Variants in MCC observed in about 807,000 individuals in gnomAD.
MCC encodes MCC regulator of Wnt signaling pathway.
MCC carries 90 observed loss-of-function variants against 116.2 expected under a neutral mutation model. The ratio of observed to expected loss-of-function variants is 0.77; its 90% CI spans 0.65 to 0.92. The LOEUF (loss-of-function observed/expected upper bound fraction) is 0.92, where lower values mean the gene tolerates loss of function less well. Among genes scored for constraint, MCC ranks in the 40% least tolerant of loss-of-function variants. The probability of loss-of-function intolerance (pLI) is 0.00; values close to 1 mark genes in which losing one functional copy is unlikely to be tolerated. For missense variants in MCC, 1,516 were observed against 1,312.2 expected, an observed-to-expected ratio of 1.16 and a Z score of -2.40; for synonymous variants, 578 against 510.5, an observed-to-expected ratio of 1.13 and a Z score of -1.78.
intron 3 of MCC, among the ~76,000 whole-genome samples, chr5:113,288,291 C>A (rs971372): frequency 1.3e-5 from 2 of 152,078 alleles, no homozygotes; most frequent in Non-Finnish European, 2.9e-5. Flanking sequence ...GCCTGCAGGG[C>A]TGGGAAAGCC....
At chr5:113,282,596 ACT>A (rs994883258) in intron 3 of MCC, among the ~76,000 whole-genome samples, 12 of 151,740 alleles carry the variant, frequency 7.9e-5, no homozygotes, top group African/African-American at 2.9e-4. Flanking sequence ...GGAAATAAAA[ACT>A]CTTCCTGTCC....
intron 3 of MCC, among the ~76,000 whole-genome samples, chr5:113,284,531 G>T (rs1017714287): frequency 6.6e-6 from 1 of 152,158 alleles, no homozygotes; most frequent in Non-Finnish European, 1.5e-5. Context: ...AGAGGAAGTT[G>T]AGGCAGAAGA....
chr5:113,197,930 A>G (rs990764622), intron 3 of MCC, among the ~76,000 whole-genome samples: 14 of 152,230 alleles, frequency 9.2e-5, no homozygotes, highest in Non-Finnish European at 1.6e-4. Flanking sequence ...CACTCGTGTC[A>G]TGTGACTACA....
intron 1 of MCC, among the ~76,000 whole-genome samples, chr5:113,487,967 C>T (rs553135403): frequency 1.3e-5 from 2 of 152,280 alleles, no homozygotes; most frequent in East Asian, 3.9e-4. Flanking sequence ...ACTCCAAGCC[C>T]CCGGAAGAGT....
intron 3 of MCC, among the ~76,000 whole-genome samples, chr5:113,217,208 TTCTC>T (rs369131285): frequency 1.3e-5 from 2 of 151,966 alleles, no homozygotes; most frequent in Admixed American, 1.3e-4. Flanking sequence ...AAGGAGGAGC[TTCTC>T]TCTCTCTCTC....
intron 10 of MCC, among the ~76,000 whole-genome samples, chr5:113,083,606 C>T (rs942948499): frequency 3.9e-5 from 6 of 152,232 alleles, no homozygotes; most frequent in Admixed American, 1.3e-4. Flanking sequence ...TCAGCTCTTA[C>T]AGTCCCAGGG....
chr5:113,083,048 T>C (rs369515308), intron 10 of MCC, 40 bp from the exon 11 acceptor site: 1 of 1,574,120 alleles, frequency 6.4e-7, no homozygotes, highest in Non-Finnish European at 8.6e-7. Flanking sequence ...GAACATATCA[T>C]TTCAGAGATG....
intron 3 of MCC, among the ~76,000 whole-genome samples, chr5:113,253,334 C>T (rs186475207): frequency 6.6e-5 from 10 of 152,254 alleles, no homozygotes; most frequent in African/African-American, 1.7e-4. Flanking sequence ...GGTGGTGGCA[C>T]GGTTGGCCCC....
At chr5:113,325,442 T>C (rs1236346148) in intron 3 of MCC, among the ~76,000 whole-genome samples, 3 of 151,996 alleles carry the variant, frequency 2.0e-5, no homozygotes, top group Non-Finnish European at 4.4e-5. Context: ...TTTTTTTTTT[T>C]TTTTACTGAC....
intron 2 of MCC, among the ~76,000 whole-genome samples, chr5:113,341,053 G>T (rs886747333): frequency 7.2e-5 from 11 of 152,142 alleles, no homozygotes; most frequent in African/African-American, 2.7e-4. Context: ...ATTTGCACAG[G>T]GCTACTACAT....
At chr5:113,125,532 C>G (rs1272711443) in intron 5 of MCC, among the ~76,000 whole-genome samples, 1 of 152,168 alleles carries the variant, frequency 6.6e-6, no homozygotes, top group African/African-American at 2.4e-5. Flanking sequence ...ATCCTTATCT[C>G]TCATTGGCAT....
intron 2 of MCC, among the ~76,000 whole-genome samples, chr5:113,356,564 T>G (rs1037006939): frequency 1.3e-5 from 2 of 152,122 alleles, no homozygotes; most frequent in Admixed American, 1.3e-4. Context: ...GGGAAAATCC[T>G]GCTCTCAGAG....
chr5:113,196,438 T>C (rs746635120), intron 3 of MCC, among the ~76,000 whole-genome samples: 2 of 152,222 alleles, frequency 1.3e-5, no homozygotes, highest in Non-Finnish European at 2.9e-5. Context: ...CAGCATTTGT[T>C]GCTAGGTGGG....
At chr5:113,329,483 CACACAT>C (rs1767646209) in intron 3 of MCC, among the ~76,000 whole-genome samples, 1 of 134,558 alleles carries the variant, frequency 7.4e-6, no homozygotes, top group African/African-American at 3.0e-5. Flanking sequence ...TACGTATACA[CACACAT>C]ATATAAACAC....
intron 12 of MCC, among the ~76,000 whole-genome samples, chr5:113,068,751 G>A (rs947401636): frequency 6.6e-6 from 1 of 152,248 alleles, no homozygotes; most frequent in Non-Finnish European, 1.5e-5. Context: ...GGTGAGTAAT[G>A]ACTAAGGCCT....
At chr5:113,166,718 A>G (rs1186194116) in intron 3 of MCC, among the ~76,000 whole-genome samples, 1 of 148,482 alleles carries the variant, frequency 6.7e-6, no homozygotes, top group Non-Finnish European at 1.5e-5. Flanking sequence ...AAAAAAAAAA[A>G]AAAACAACCA....
chr5:113,325,074 A>G (rs940757597), intron 3 of MCC, among the ~76,000 whole-genome samples: 1 of 152,042 alleles, frequency 6.6e-6, no homozygotes, highest in Non-Finnish European at 1.5e-5. Flanking sequence ...TCCTGGGCTC[A>G]AGCGATCCTC....
At chr5:113,370,912 T>A (rs1433165027) in intron 2 of MCC, among the ~76,000 whole-genome samples, 1 of 152,064 alleles carries the variant, frequency 6.6e-6, no homozygotes, top group Admixed American at 6.5e-5. Context: ...TACAGCAGTG[T>A]GAATTAGCTG....
Position 113,061,344 on chromosome 5 carries a change from C to T in MCC, c.2213+2640G>A, listed in dbSNP as rs114253830. ...CTTTGTGGATTGAGATCGATGACTA[C>T]GCTGCACAGAAGGAGCTGAACTGTG... is the stretch of plus-strand genomic sequence containing the variant. On this transcript the variant is annotated intron_variant, in intron 14 of 18. Coordinates refer to ENST00000408903, the MANE Select transcript of MCC (RefSeq NM_001085377.2). Among the ~76,000 whole-genome samples the T allele has an allele frequency of 7.2e-3, 1,100 of 152,320 alleles. 14 individuals are homozygous for T. Among genetic ancestry groups the T allele is most frequent in the Middle Eastern group, 0.048 (14 of 294 alleles).
Sources: gnomAD v4.1 joint callset for allele counts (sites outside exome capture counted in the v4.1 genomes callset) on GRCh38, gnomAD v4.1.1 for gene constraint, MANE v1.5 for transcripts, NCBI Gene and HGNC (gene_info 2026-07-23, HGNC 2026-07-21) for gene names.